PHF5A: variants seen among roughly 807,000 people sequenced by gnomAD.
PHF5A encodes PHD finger protein 5A, also known as PHD finger-like domain-containing protein 5A.
For missense variants in PHF5A, 24 were observed against 140.6 expected, an observed-to-expected ratio of 0.17 and a Z score of 4.19; for synonymous variants, 52 against 46.0, an observed-to-expected ratio of 1.13 and a Z score of -0.52.
intron 3 of PHF5A, among the ~76,000 whole-genome samples, chr22:41,461,229 T>C (rs2037825149): frequency 6.6e-6 from 1 of 152,122 alleles, no homozygotes; most frequent in African/African-American, 2.4e-5. Context: ...TAGCCATTTA[T>C]CTTACCAATT....
At chr22:41,461,330 G>A (rs947045067) in intron 3 of PHF5A, among the ~76,000 whole-genome samples, 1 of 151,986 alleles carries the variant, frequency 6.6e-6, no homozygotes, top group African/African-American at 2.4e-5. Context: ...TGCAATTCAT[G>A]TAGAATGCTG....
In PHF5A at chr22:41,460,455, C is replaced by T. The variant is rs747474787; in HGVS notation, c.276G>A (p.Gly92=). 1.2e-6 allele frequency: 2 copies of T among 1,600,772 alleles called. No homozygotes were observed. Among genetic ancestry groups the T allele is most frequent in the Non-Finnish European group, 1.7e-6 (2 of 1,171,030 alleles). The change falls in exon 4 of 4, where the codon GGG becomes GGA. Residue 92 remains glycine, a synonymous_variant. Transcript: ENST00000216252. ...CATAGAAGAGGTCTGTCTTAGAGCT[C>T]CCCAGATTGACAATCTTTGGGCAGC... The part of the protein sequence containing the change: ...RDGCPKIVNL[G]SSKTDLFYER...
chr22:41,459,868 C>G lies in PHF5A; in HGVS notation c.*530G>C, dbSNP rs1335447425. On this transcript the variant is annotated 3_prime_UTR_variant, in exon 4 of 4. Transcript: ENST00000216252. ...CCACTGTAGCTGGACAAGTGTTAAA[C>G]AAGTAAATGCCTTTCAAGAGGGCAG... 1 of 146,756 alleles carries G rather than the reference C, an allele frequency of 6.8e-6. No individual in the cohort carries two copies. The highest frequency in any genetic ancestry group is 1.5e-5 in the Non-Finnish European group (1 of 67,146). 9.1% of individuals were successfully genotyped at this position (146,756 alleles called of 1,614,324 possible). A position where few individuals can be genotyped will look rare whatever the true frequency, so the allele number is the denominator to read the frequency against.
chr22:41,460,567 G>T, intron 3 of PHF5A, 80 bp from the exon 4 acceptor site: 1 of 1,088,484 alleles, frequency 9.2e-7, no homozygotes, highest in Non-Finnish European at 1.3e-6. Flanking sequence ...TAAGCCCAGT[G>T]TGGTAGCATG....
At chr22:41,462,986 G>A (rs932111114) in intron 3 of PHF5A, among the ~76,000 whole-genome samples, 2 of 151,256 alleles carry the variant, frequency 1.3e-5, no homozygotes, top group African/African-American at 4.9e-5. Context: ...CAATTCTCCT[G>A]CCTCAGACTC....
Position 41,463,171 on chromosome 22 carries a change from C to T in PHF5A, c.244-2684G>A, listed in dbSNP as rs149138098. Among the ~76,000 whole-genome samples, 28 of 152,096 alleles carry T rather than the reference C, an allele frequency of 1.8e-4. No homozygotes were observed. The East Asian group carries it at 3.7e-3, about 20-fold the overall frequency. On this transcript the variant is annotated intron_variant, in intron 3 of 3. Coordinates refer to ENST00000216252, the MANE Select transcript of PHF5A (RefSeq NM_032758.4). ...ACAGGCGTGAGCCACTGCCCCTGGC[C>T]TACTTACAGCTTAGCTTTAAGATGG...
intron 2 of PHF5A, 71 bp downstream of exon 2, chr22:41,468,053 G>T: frequency 6.5e-7 from 1 of 1,535,098 alleles, no homozygotes; most frequent in Non-Finnish European, 9.0e-7. Flanking sequence ...CCTCTTTGTG[G>T]CACTTTTGCT....
At chr22:41,468,000 A>C in intron 2 of PHF5A, 124 bp downstream of exon 2, 1 of 996,514 alleles carries the variant, frequency 1.0e-6, no homozygotes, top group Non-Finnish European at 1.5e-6. Context: ...GCTAAAGTGC[A>C]GCATTCAGTG....
In PHF5A at chr22:41,460,190, G is replaced by C. The variant is rs1377530822; in HGVS notation, c.*208C>G. ...AATCTATCAAGTTTTCTCCGATATG[G>C]TGTGCCAGAGTGCTCTGTGAAGAAT... On this transcript the variant is annotated 3_prime_UTR_variant, in exon 4 of 4. Transcript: ENST00000216252. 1 of 443,570 alleles carries C rather than the reference G, an allele frequency of 2.3e-6. No homozygotes were observed. The highest frequency in any genetic ancestry group is 2.0e-5 in the African/African-American group (1 of 50,698). The allele number at this position is 443,570 out of a possible 1,614,324, so 27.5% of individuals were successfully genotyped here.
intron 3 of PHF5A, among the ~76,000 whole-genome samples, chr22:41,462,913 G>A (rs1474754182): frequency 6.7e-6 from 1 of 148,484 alleles, no homozygotes; most frequent in Admixed American, 6.8e-5. Flanking sequence ...CTCATCTGTC[G>A]CTCAGGCTGG....
Position 41,460,380 on chromosome 22 carries a change from G to A in PHF5A, c.*18C>T, listed in dbSNP as rs764412268. On this transcript the variant is annotated 3_prime_UTR_variant, in exon 4 of 4. Coordinates refer to ENST00000216252, the MANE Select transcript of PHF5A (RefSeq NM_032758.4). ...TGCAGCAGACTGATGTTGGGGGGAG[G>A]AAGGGGCCACCCACCAATCACCTCT... The A allele has an allele frequency of 6.3e-7, 1 of 1,581,652 alleles. No individual in the cohort carries two copies. The highest frequency in any genetic ancestry group is 1.1e-5 in the South Asian group (1 of 87,064).
In PHF5A at chr22:41,467,431, G is replaced by A. The variant is rs562032015; in HGVS notation, c.243+17C>T. On this transcript the variant is annotated intron_variant, in intron 3 of 3. Transcript: ENST00000216252. ...AAACAAAAGGAGGAAAGGTCAGATG[G>A]AAAGCTGTACACTTACGTCCTTCTC... 1.0e-4 allele frequency: 162 copies of A among 1,612,474 alleles called. No individual in the cohort carries two copies. Among genetic ancestry groups the A allele is most frequent in the Non-Finnish European group, 1.4e-4 (160 of 1,179,512 alleles).
chr22:41,460,507 AGTT>A lies in PHF5A; in HGVS notation c.244-23_244-21del, dbSNP rs1187261325. ...ATCTCTCTGGAAAACAGAACAGAGA[AGTT>A]GTTAAGTCTTTGAGCCTGAACCAAG... On this transcript the variant is annotated intron_variant, in intron 3 of 3. Transcript: ENST00000216252. 6.4e-7 allele frequency: 1 copy of A among 1,573,224 alleles called. No individual in the cohort carries two copies. The highest frequency in any genetic ancestry group is 8.7e-7 in the Non-Finnish European group (1 of 1,149,586).
chr22:41,468,591 C>A lies in PHF5A; in HGVS notation c.52+11G>T, dbSNP rs1313900642. 6.2e-7 allele frequency: 1 copy of A among 1,614,030 alleles called. No homozygotes were observed. Among genetic ancestry groups the A allele is most frequent in the Non-Finnish European group, 8.5e-7 (1 of 1,179,938 alleles). Reference sequence around the variant, plus strand: ...CCTGCCCAGACAGCCAGGGGTAGGGCGCAGTCTCACCAACACCAGCCTGCT... The same window carrying A: ...CCTGCCCAGACAGCCAGGGGTAGGGAGCAGTCTCACCAACACCAGCCTGCT... On this transcript the variant is annotated intron_variant, in intron 1 of 3. Transcript: ENST00000216252.
intron 3 of PHF5A, among the ~76,000 whole-genome samples, chr22:41,465,856 GACA>G (rs2037862576): frequency 1.3e-5 from 2 of 152,020 alleles, no homozygotes; most frequent in Non-Finnish European, 1.5e-5. Context: ...CTCCAGCCTG[GACA>G]ACAAGAGTGA....
At chr22:41,467,155 C>G (rs2037872957) in intron 3 of PHF5A, among the ~76,000 whole-genome samples, 1 of 151,958 alleles carries the variant, frequency 6.6e-6, no homozygotes, top group East Asian at 1.9e-4. Flanking sequence ...TGTGGGCCAC[C>G]ACGCCCAGCC....
rs753836588 is a variant in PHF5A, at chr22:41,460,386, G to A, written c.*12C>T. 3.2e-6 allele frequency: 5 copies of A among 1,585,676 alleles called. No individual in the cohort carries two copies. The highest frequency in any genetic ancestry group is 4.3e-6 in the Non-Finnish European group (5 of 1,160,558). The stretch of plus-strand genomic sequence containing the variant: ...AGACTGATGTTGGGGGGAGGAAGGG[G>A]CCACCCACCAATCACCTCTTCTTGA... On this transcript the variant is annotated 3_prime_UTR_variant, in exon 4 of 4. Coordinates refer to ENST00000216252, the MANE Select transcript of PHF5A (RefSeq NM_032758.4).
At chr22:41,467,202 T>C (rs1363823058) in intron 3 of PHF5A, among the ~76,000 whole-genome samples, 1 of 151,952 alleles carries the variant, frequency 6.6e-6, no homozygotes, top group Non-Finnish European at 1.5e-5. Flanking sequence ...CACAGAGACA[T>C]GAATGAGAGG....
chr22:41,465,550 T>C (rs573722733), intron 3 of PHF5A, among the ~76,000 whole-genome samples: 1 of 152,264 alleles, frequency 6.6e-6, no homozygotes, highest in Admixed American at 6.5e-5. Context: ...CTGGCGTTAC[T>C]GCCTTCACCA....
Sources: allele counts gnomAD v4.1 joint callset (sites outside exome capture counted in the v4.1 genomes callset), GRCh38; gene constraint gnomAD v4.1.1; transcripts MANE v1.5; gene names NCBI Gene and HGNC (gene_info 2026-07-23, HGNC 2026-07-21).